Variants in ANO1 observed in about 807,000 individuals in gnomAD.
The protein encoded by ANO1 is anoctamin-1.
In ANO1, 59 loss-of-function variants were observed where a neutral mutation model predicts 124.0. That is an observed-to-expected ratio of 0.48 (90% CI 0.39 to 0.59). ANO1 has a LOEUF of 0.59. ANO1 is among the 20% of genes least tolerant of loss of function. The pLI is 0.00. For synonymous variants in ANO1, 529 were observed against 532.0 expected, an observed-to-expected ratio of 0.99 and a Z score of 0.08; for missense variants, 1,059 against 1,328.0, an observed-to-expected ratio of 0.80 and a Z score of 3.15.
At chr11:70,077,927 C>T (rs895327567), upstream of ANO1, among the ~76,000 whole-genome samples, 3 of 152,114 alleles carry the variant, frequency 2.0e-5, no homozygotes, top group African/African-American at 7.2e-5. Context: ...CGGCAGGAAC[C>T]AGGCAAGCTC....
the ANO1 span, among the ~76,000 whole-genome samples, chr11:69,970,843 A>G: frequency 6.6e-6 from 1 of 152,214 alleles, no homozygotes; most frequent in Admixed American, 6.5e-5. Context: ...TCCCATGCTC[A>G]GCACGGATAT....
rs3078418 is a variant in ANO1, at chr11:70,008,645, CTT to C, written c.58+22490_58+22491del. On this transcript the variant is annotated intron_variant, in intron 1 of 27. Coordinates refer to the ANO1 transcript ENST00000531349. The stretch of plus-strand genomic sequence containing the variant: ...TGCCAACTGTTTTACTCCTTTAGCT[CTT>C]TTTTTTTTTTAAGGCGTGATATTTG... Among the ~76,000 whole-genome samples the C allele has an allele frequency of 1.8e-3, 263 of 148,204 alleles. 1 individual carries two copies. Among genetic ancestry groups the C allele is most frequent in the African/African-American group, 5.8e-3 (233 of 40,372 alleles).
At chr11:70,017,347 C>T (rs1423436799) in intron 1 of ANO1, among the ~76,000 whole-genome samples, 1 of 152,188 alleles carries the variant, frequency 6.6e-6, no homozygotes, top group African/African-American at 2.4e-5. Context: ...CAGCCCAGAG[C>T]GTGTTTCCCA....
intron 1 of ANO1, among the ~76,000 whole-genome samples, 174 bp from the exon 2 acceptor site, chr11:70,087,576 CTG>C (rs2044431897): frequency 6.6e-6 from 1 of 152,204 alleles, no homozygotes; most frequent in African/African-American, 2.4e-5. Flanking sequence ...GGGTCTTCTG[CTG>C]TGTTCCCAGG....
chr11:70,124,473 C>T (rs749592605), intron 9 of ANO1, 59 bp downstream of exon 9: 1 of 1,534,672 alleles, frequency 6.5e-7, no homozygotes, highest in Non-Finnish European at 9.0e-7. Context: ...AGTCGGATAA[C>T]ATCCCTGTGG....
intron 1 of ANO1, among the ~76,000 whole-genome samples, chr11:70,057,345 T>A (rs924421576): frequency 1.3e-5 from 2 of 152,180 alleles, no homozygotes; most frequent in Non-Finnish European, 2.9e-5. Context: ...TAAGGACTTA[T>A]GGAAAGCAGG....
chr11:70,131,794 G>A, intron 10 of ANO1, 125 bp from the exon 11 acceptor site: 1 of 1,156,014 alleles, frequency 8.7e-7, no homozygotes. Flanking sequence ...CTATGGCATG[G>A]ACCTGAGGGA....
intron 1 of ANO1, among the ~76,000 whole-genome samples, chr11:70,012,637 A>G (rs1856619966): frequency 6.7e-6 from 1 of 150,262 alleles, no homozygotes; most frequent in African/African-American, 2.5e-5. Context: ...TCATCCATCC[A>G]TCCATTGTTC....
At chr11:70,098,026 A>C (rs1405190919) in intron 2 of ANO1, among the ~76,000 whole-genome samples, 35 of 152,346 alleles carry the variant, frequency 2.3e-4, no homozygotes, top group Non-Finnish European at 4.4e-5. Flanking sequence ...CACATGCCCC[A>C]AAAGCCTATT....
At chr11:70,171,388 C>CT (rs909353283) in intron 22 of ANO1, among the ~76,000 whole-genome samples, 8 of 151,934 alleles carry the variant, frequency 5.3e-5, no homozygotes, top group Non-Finnish European at 8.8e-5. Context: ...TTGTGTGACC[C>CT]CCAGAGCCAG....
intron 8 of ANO1, among the ~76,000 whole-genome samples, chr11:70,118,465 T>C (rs2046084270): frequency 6.6e-6 from 1 of 151,776 alleles, no homozygotes; most frequent in African/African-American, 2.4e-5. Context: ...CCCATGGGGG[T>C]AGTCAAGGAG....
At chr11:70,021,396 C>A (rs1211853676) in intron 1 of ANO1, among the ~76,000 whole-genome samples, 3 of 151,954 alleles carry the variant, frequency 2.0e-5, no homozygotes, top group Non-Finnish European at 4.4e-5. Context: ...CTTTTCACTC[C>A]CACCCCTTCT....
At position 70,149,695 on chromosome 11, in the gene ANO1, TG is replaced by T; in HGVS notation, c.1259-14del. The T allele has an allele frequency of 6.2e-7, 1 of 1,611,776 alleles. No individual in the cohort carries two copies. Among genetic ancestry groups the T allele is most frequent in the Non-Finnish European group, 8.5e-7 (1 of 1,179,332 alleles). On this transcript the variant is annotated splice_polypyrimidine_tract_variant and intron_variant, in intron 11 of 25. Transcript: ENST00000355303. ...TTTATGTCATCAGAGACTCTGGTTTTGCCCCTGCCCGCAGCTGCCACCTTCA... is the reference window on the plus strand; with the variant it reads ...TTTATGTCATCAGAGACTCTGGTTTTCCCCTGCCCGCAGCTGCCACCTTCA...
intron 1 of ANO1, among the ~76,000 whole-genome samples, chr11:70,001,800 T>C (rs1393771362): frequency 4.0e-5 from 6 of 151,418 alleles, no homozygotes; most frequent in African/African-American, 1.5e-4. Context: ...TGTGTGTGTT[T>C]TGTTTTTTGT....
At chr11:70,171,067 C>T (rs912881619) in intron 22 of ANO1, 28 bp downstream of exon 22, 4 of 1,605,272 alleles carry the variant, frequency 2.5e-6, no homozygotes, top group Non-Finnish European at 2.6e-6. Flanking sequence ...CCGGCAGAAC[C>T]GGTTCCGAGT....
intron 16 of ANO1, among the ~76,000 whole-genome samples, chr11:70,157,396 G>T: frequency 6.7e-6 from 1 of 149,360 alleles, no homozygotes; most frequent in East Asian, 2.0e-4. Flanking sequence ...GATGCGATTG[G>T]TGTCCTCCAA....
chr11:70,095,414 G>GAAAAGA (rs762525778), intron 2 of ANO1, among the ~76,000 whole-genome samples: 1 of 69,030 alleles, frequency 1.4e-5, no homozygotes, highest in African/African-American at 4.8e-5. Flanking sequence ...AAGAAAGAAA[G>GAAAAGA]AAAGAAAGAA....
intron 1 of ANO1, among the ~76,000 whole-genome samples, chr11:70,067,731 C>T (rs1337389159): frequency 1.3e-5 from 2 of 152,216 alleles, no homozygotes; most frequent in Non-Finnish European, 1.5e-5. Flanking sequence ...CCCTTCCCAG[C>T]CTTCCCGTCC....
At chr11:70,068,227 A>G (rs1398516822) in intron 1 of ANO1, among the ~76,000 whole-genome samples, 1 of 152,172 alleles carries the variant, frequency 6.6e-6, no homozygotes, top group African/African-American at 2.4e-5. Flanking sequence ...GTTTGTTTAG[A>G]TTCCACAGCC....
Sources: gnomAD v4.1 joint callset for allele counts (sites outside exome capture counted in the v4.1 genomes callset) on GRCh38, gnomAD v4.1.1 for gene constraint, MANE v1.5 for transcripts, NCBI Gene and HGNC (gene_info 2026-07-23, HGNC 2026-07-21) for gene names.